RMDN2: variants seen among roughly 807,000 people sequenced by gnomAD.
The protein encoded by RMDN2 is regulator of microtubule dynamics protein 2.
In RMDN2, 61 loss-of-function variants were observed where a neutral mutation model predicts 52.8. That is an observed-to-expected ratio of 1.16 (90% confidence interval 0.94 to 1.43). RMDN2 has a LOEUF of 1.43. Among genes scored for constraint, RMDN2 ranks in the 40% most tolerant of loss-of-function variants. RMDN2 has a pLI of 0.00. For missense variants in RMDN2, 592 were observed against 475.3 expected (o/e 1.25, Z -2.28); for synonymous variants, 180 against 153.1 (o/e 1.18, Z -1.30).
intron 8 of RMDN2, among the ~76,000 whole-genome samples, chr2:37,999,040 A>T (rs1675957820): frequency 2.0e-5 from 3 of 152,240 alleles, no homozygotes; most frequent in Non-Finnish European, 4.4e-5. Flanking sequence ...TGTTATCTGT[A>T]CTCAAAACTC....
intron 10 of RMDN2, chr2:38,036,137 A>G (rs1317751683): frequency 2.0e-5 from 3 of 152,184 alleles, no homozygotes; most frequent in Non-Finnish European, 4.4e-5. Flanking sequence ...ATATAGAATC[A>G]TGAAGATCTC....
intron 8 of RMDN2, among the ~76,000 whole-genome samples, chr2:38,002,551 A>G (rs1002076904): frequency 6.6e-6 from 1 of 152,206 alleles, no homozygotes; most frequent in Non-Finnish European, 1.5e-5. Flanking sequence ...GTGTTTTTCT[A>G]GCTTTACTGA....
At chr2:37,944,086 G>T (rs184931377) in intron 2 of RMDN2, among the ~76,000 whole-genome samples, 1 of 152,104 alleles carries the variant, frequency 6.6e-6, no homozygotes, top group Non-Finnish European at 1.5e-5. Context: ...TAAACGTTTT[G>T]TGTAACTGCA....
At chr2:37,935,481 G>C (rs368135255) in intron 2 of RMDN2, among the ~76,000 whole-genome samples, 9 of 152,198 alleles carry the variant, frequency 5.9e-5, no homozygotes, top group African/African-American at 1.9e-4. Flanking sequence ...TATATGCCTT[G>C]CTGTTATAGT....
At chr2:37,974,250 AT>A (rs776440519) in intron 3 of RMDN2, 36 bp downstream of exon 3, 2 of 1,358,122 alleles carry the variant, frequency 1.5e-6, no homozygotes, top group Non-Finnish European at 2.0e-6. Context: ...GTATAGTTCC[AT>A]TTTTTAATTT....
chr2:38,031,032 T>G (rs916674559), intron 10 of RMDN2, among the ~76,000 whole-genome samples: 1 of 151,946 alleles, frequency 6.6e-6, no homozygotes, highest in Non-Finnish European at 1.5e-5. Context: ...ATTTGTTTAA[T>G]TGGCCAAGAA....
chr2:38,061,083 T>C (rs1412724168), intron 10 of RMDN2, among the ~76,000 whole-genome samples: 1 of 152,186 alleles, frequency 6.6e-6, no homozygotes, highest in African/African-American at 2.4e-5. Flanking sequence ...AAAGGCATTG[T>C]TGAAAAGTAT....
intron 10 of RMDN2, among the ~76,000 whole-genome samples, chr2:38,038,775 C>T (rs1445362279): frequency 1.3e-5 from 2 of 152,046 alleles, no homozygotes; most frequent in Non-Finnish European, 2.9e-5. Flanking sequence ...ACAAGTATTC[C>T]GGCATTAGTA....
At chr2:38,044,958 G>A (rs1303510510) in intron 10 of RMDN2, among the ~76,000 whole-genome samples, 1 of 152,042 alleles carries the variant, frequency 6.6e-6, no homozygotes, top group African/African-American at 2.4e-5. Context: ...TGTAGTAAGA[G>A]CTGTGGTGTA....
intron 2 of RMDN2, among the ~76,000 whole-genome samples, chr2:37,937,622 A>C (rs745500987): frequency 6.6e-6 from 1 of 152,094 alleles, no homozygotes; most frequent in Non-Finnish European, 1.5e-5. Context: ...CATCCCTTCT[A>C]AGTTGTATTC....
At chr2:37,929,057 C>T (rs34303008) in intron 1 of RMDN2, 39,760 of 403,114 alleles carry the variant, frequency 0.099, 2,676 homozygotes, top group African/African-American at 0.25. Context: ...GCATCTTTAA[C>T]TTAATATGAT....
At chr2:37,956,448 A>C (rs932591346) in intron 2 of RMDN2, among the ~76,000 whole-genome samples, 1 of 152,014 alleles carries the variant, frequency 6.6e-6, no homozygotes. Context: ...AGTCCAGCTA[A>C]AGGTTTATCA....
intron 10 of RMDN2, among the ~76,000 whole-genome samples, chr2:38,031,797 A>G (rs1004463365): frequency 1.3e-5 from 2 of 152,198 alleles, no homozygotes; most frequent in Non-Finnish European, 2.9e-5. Flanking sequence ...CTTCCTGAGC[A>G]GACGCCTTCC....
At chr2:38,062,975 C>T (rs2125309950) in intron 10 of RMDN2, among the ~76,000 whole-genome samples, 1 of 152,242 alleles carries the variant, frequency 6.6e-6, no homozygotes, top group South Asian at 2.1e-4. Context: ...GCATAGTATT[C>T]CATGGTGTAT....
intron 10 of RMDN2, among the ~76,000 whole-genome samples, chr2:38,054,383 A>T (rs1474937641): frequency 6.6e-6 from 1 of 152,250 alleles, no homozygotes; most frequent in Non-Finnish European, 1.5e-5. Flanking sequence ...TGGAGAAAAT[A>T]TTAGAACAAT....
upstream of RMDN2, among the ~76,000 whole-genome samples, chr2:37,924,848 TATGAA>T (rs2124870264): frequency 6.6e-6 from 1 of 152,332 alleles, no homozygotes; most frequent in East Asian, 1.9e-4. Flanking sequence ...GAGATAAAGC[TATGAA>T]CACGGGGCTG....
intron 10 of RMDN2, among the ~76,000 whole-genome samples, chr2:38,038,503 C>T (rs1437428726): frequency 6.6e-6 from 1 of 152,162 alleles, no homozygotes. Flanking sequence ...GGTTCAGGCC[C>T]GGTTACCGCT....
upstream of RMDN2, among the ~76,000 whole-genome samples, chr2:37,921,117 CGTT>C (rs1436552125): frequency 1.3e-5 from 2 of 151,974 alleles, no homozygotes; most frequent in Non-Finnish European, 2.9e-5. Flanking sequence ...ACATAAATAT[CGTT>C]GTTAATTTTT....
intron 2 of RMDN2, among the ~76,000 whole-genome samples, chr2:37,961,011 T>TTGGC (rs1670154424): frequency 6.6e-6 from 1 of 152,238 alleles, no homozygotes; most frequent in African/African-American, 2.4e-5. Context: ...ATTTTGAATA[T>TTGGC]TGGCCCCCAC....
Sources: allele counts gnomAD v4.1 joint callset (sites outside exome capture counted in the v4.1 genomes callset), GRCh38; gene constraint gnomAD v4.1.1; transcripts MANE v1.5; gene names NCBI Gene and HGNC (gene_info 2026-07-23, HGNC 2026-07-21).